Variants in CYP4F12 observed in about 807,000 individuals in gnomAD.
The protein encoded by CYP4F12 is cytochrome P450 family 4 subfamily F member 12.
CYP4F12 carries 60 observed loss-of-function variants against 56.5 expected under a neutral mutation model. The observed-to-expected ratio is 1.06, with a 90% CI of 0.86 to 1.32. The LOEUF (loss-of-function observed/expected upper bound fraction) is 1.32, where lower values mean the gene tolerates loss of function less well. Ranked by LOEUF, CYP4F12 falls within the 40% of genes most tolerant of loss-of-function variation. The probability of loss-of-function intolerance (pLI) is 0.00; values close to 1 mark genes in which losing one functional copy is unlikely to be tolerated. For missense variants in CYP4F12, 711 were observed against 683.5 expected, an observed-to-expected ratio of 1.04 and a Z score of -0.45; for synonymous variants, 263 against 264.9, an observed-to-expected ratio of 0.99 and a Z score of 0.07.
chr19:15,683,894 G>A, intron 7 of CYP4F12, 131 bp downstream of exon 7: 1 of 1,267,192 alleles, frequency 7.9e-7, no homozygotes, highest in Non-Finnish European at 1.1e-6. Flanking sequence ...GAAGGTCACA[G>A]ATAGGTTTTA....
chr19:15,687,659 G>A (rs999004131), intron 9 of CYP4F12, among the ~76,000 whole-genome samples: 4 of 152,318 alleles, frequency 2.6e-5, no homozygotes, highest in South Asian at 2.1e-4. Context: ...CAGAGTAAGA[G>A]GGGGAGAGAC....
In CYP4F12 at chr19:15,697,134, G is replaced by C; in HGVS notation, c.*49G>C. Reference sequence around the variant, plus strand: ...TTTTGCAGATTGTCATGAATAAAACGGTGCTGTCACCTCTGCCTGGGCCTC... The same window carrying C: ...TTTTGCAGATTGTCATGAATAAAACCGTGCTGTCACCTCTGCCTGGGCCTC... On this transcript the variant is annotated 3_prime_UTR_variant, in exon 13 of 13. Transcript: ENST00000550308. The C allele has an allele frequency of 6.3e-7, 1 of 1,575,286 alleles. No individual in the cohort carries two copies. The highest frequency in any genetic ancestry group is 1.3e-5 in the African/African-American group (1 of 74,310).
chr19:15,690,878 G>A (rs534223583), intron 9 of CYP4F12, among the ~76,000 whole-genome samples: 1 of 152,144 alleles, frequency 6.6e-6, no homozygotes, highest in Non-Finnish European at 1.5e-5. Context: ...CTATCTGTCT[G>A]TCTGTTTACA....
chr19:15,693,066 T>C, intron 9 of CYP4F12, among the ~76,000 whole-genome samples: 1 of 152,022 alleles, frequency 6.6e-6, no homozygotes, highest in Non-Finnish European at 1.5e-5. Flanking sequence ...CAACAGAGAC[T>C]CCATTCCCTC....
chr19:15,693,460 C>G (rs2007969847), intron 9 of CYP4F12, among the ~76,000 whole-genome samples: 1 of 152,168 alleles, frequency 6.6e-6, no homozygotes, highest in Admixed American at 6.5e-5. Flanking sequence ...TTGCCTGACT[C>G]TCGTGTTTTT....
intron 7 of CYP4F12, 29 bp downstream of exon 7, chr19:15,683,792 T>C: frequency 6.6e-7 from 1 of 1,508,548 alleles, no homozygotes; most frequent in Non-Finnish European, 8.8e-7. Flanking sequence ...TGAATTTAGG[T>C]GAGAGAATAG....
intron 2 of CYP4F12, among the ~76,000 whole-genome samples, chr19:15,675,448 G>A (rs1281842441): frequency 6.6e-6 from 1 of 152,148 alleles, no homozygotes; most frequent in Non-Finnish European, 1.5e-5. Flanking sequence ...TTTGTCTGTG[G>A]GAGGAACCAG....
At position 15,680,396 on chromosome 19, in the gene CYP4F12, A is replaced by C. The variant is rs145798366; in HGVS notation, c.402A>C (p.Glu134Asp). 1 of 1,614,012 alleles carries C rather than the reference A, an allele frequency of 6.2e-7. No individual in the cohort carries two copies. Among genetic ancestry groups the C allele is most frequent in the Non-Finnish European group, 8.5e-7 (1 of 1,179,992 alleles). The change falls in exon 5 of 13, where the codon GAA (glutamate) becomes GAC (aspartate). Residue 134 changes from glutamate to aspartate, a missense_variant. Physicochemically the swap from Glu to Asp is conservative, Grantham distance 45. Coordinates refer to ENST00000550308, the MANE Select transcript of CYP4F12 (RefSeq NM_023944.4). ...TGTCCTTGGCTGCCCTACTAGGAGA[A>C]GGGATACTGCTGAGTGGCGGTGACA... is the stretch of plus-strand genomic sequence containing the variant. ...FIRFLKPWLG[E>D]GILLSGGDKW...
intron 5 of CYP4F12, chr19:15,681,747 G>C (rs1479639785): frequency 6.6e-6 from 1 of 152,456 alleles, no homozygotes; most frequent in Non-Finnish European, 1.5e-5. Flanking sequence ...GTCTTGCATT[G>C]GTGGCATACG....
intron 3 of CYP4F12, among the ~76,000 whole-genome samples, chr19:15,679,002 C>T (rs1237325190): frequency 6.6e-6 from 1 of 152,216 alleles, no homozygotes; most frequent in African/African-American, 2.4e-5. Context: ...AAGTTTCCTG[C>T]TCTCCTCCTA....
Position 15,682,164 on chromosome 19 carries a change from C to G in CYP4F12, c.526-225C>G, listed in dbSNP as rs658798. 9.9e-3 allele frequency: 4,621 copies of G among 465,524 alleles called. 19 individuals are homozygous for G. Among genetic ancestry groups the G allele is most frequent in the African/African-American group, 0.083 (4,198 of 50,400 alleles). The allele number at this position is 465,524 out of a possible 1,614,324, so 28.8% of individuals were successfully genotyped here. A position where few individuals can be genotyped will look rare whatever the true frequency, so the allele number is the denominator to read the frequency against. On this transcript the variant is annotated intron_variant, in intron 5 of 12. Transcript: ENST00000550308. ...CCAAGGGCACATAGAGCATAGGAGA[C>G]AGAGCTGAGACTTGAATGCAGGTCT...
chr19:15,677,151 A>C (rs1256228027), intron 2 of CYP4F12, among the ~76,000 whole-genome samples: 1 of 60,000 alleles, frequency 1.7e-5, no homozygotes, highest in Non-Finnish European at 3.2e-5. Flanking sequence ...TCATTCCTCT[A>C]CCCACACTCA....
At chr19:15,693,994 GT>G in intron 9 of CYP4F12, among the ~76,000 whole-genome samples, 2 of 151,476 alleles carry the variant, frequency 1.3e-5, no homozygotes, top group South Asian at 4.2e-4. Flanking sequence ...AGATCAGATA[GT>G]TGTAGACATG....
At position 15,682,423 on chromosome 19, in the gene CYP4F12, G is replaced by A. The variant is rs2007354212; in HGVS notation, c.560G>A (p.Ser187Asn). The change falls in exon 6 of 13, where the codon AGT becomes AAT. Residue 187 changes from serine (S) to asparagine (N), a missense_variant. Coordinates refer to ENST00000550308, the MANE Select transcript of CYP4F12 (RefSeq NM_023944.4). ...KWQHLASEGS[S>N]RLDMFEHISL... Reference sequence around the variant, plus strand: ...CAGCACCTGGCCTCAGAGGGCAGCAGTCGTCTGGACATGTTTGAGCACATC... The same window carrying A: ...CAGCACCTGGCCTCAGAGGGCAGCAATCGTCTGGACATGTTTGAGCACATC... 6.2e-7 allele frequency: 1 copy of A among 1,613,728 alleles called. No homozygotes were observed. The highest frequency in any genetic ancestry group is 1.1e-5 in the South Asian group (1 of 91,086).
chr19:15,677,749 T>G (rs1358823055), intron 2 of CYP4F12, among the ~76,000 whole-genome samples: 1 of 151,652 alleles, frequency 6.6e-6, no homozygotes, highest in African/African-American at 2.4e-5. Context: ...CACTCATTCC[T>G]CTACCCATGC....
chr19:15,679,870 G>A (rs2007187685), intron 3 of CYP4F12, among the ~76,000 whole-genome samples: 1 of 152,228 alleles, frequency 6.6e-6, no homozygotes, highest in South Asian at 2.1e-4. Context: ...CAGAGGTCAT[G>A]TCAGACTATC....
Position 15,684,566 on chromosome 19 carries a change from G to A in CYP4F12, c.919-250G>A, listed in dbSNP as rs617134. ...ATTATGCAGAAAAATGAAAATATTC[G>A]AGAACCATTGATTCCTGTCACCAGG... is the stretch of plus-strand genomic sequence containing the variant. On this transcript the variant is annotated intron_variant, in intron 7 of 12. Coordinates refer to ENST00000550308, the MANE Select transcript of CYP4F12 (RefSeq NM_023944.4). The A allele has an allele frequency of 7.3e-3, 3,118 of 428,240 alleles. 2 individuals are homozygous for A. Among genetic ancestry groups the A allele is most frequent in the African/African-American group, 0.059 (2,888 of 48,950 alleles). 26.5% of individuals were successfully genotyped at this position (428,240 alleles called of 1,614,324 possible).
intron 6 of CYP4F12, among the ~76,000 whole-genome samples, chr19:15,682,978 G>C (rs8111286): frequency 0.57 from 86,816 of 151,916 alleles, 25,163 homozygotes; most frequent in East Asian, 0.71. Flanking sequence ...CTCAGGTGAT[G>C]TGCCCTCTTT....
At chr19:15,673,322 T>C in intron 1 of CYP4F12, 187 bp downstream of exon 1, 1 of 592,924 alleles carries the variant, frequency 1.7e-6, no homozygotes, top group Non-Finnish European at 3.0e-6. Context: ...TCTCTTTCCC[T>C]TTCTGTGTGG....
Sources: gnomAD v4.1 joint callset for allele counts (sites outside exome capture counted in the v4.1 genomes callset) on GRCh38, gnomAD v4.1.1 for gene constraint, MANE v1.5 for transcripts, NCBI Gene and HGNC (gene_info 2026-07-23, HGNC 2026-07-21) for gene names.